The following ZNF280D variants were observed in gnomAD, a reference collection of about 807,000 sequenced individuals.
ZNF280D encodes suppressor of hairy wing homolog 4.
ZNF280D carries 39 observed loss-of-function variants against 94.7 expected under a neutral mutation model. The ratio of observed to expected loss-of-function variants is 0.41; its 90% confidence interval spans 0.32 to 0.54. The LOEUF is 0.54. ZNF280D is among the 20% of genes least tolerant of loss of function. The pLI is 0.22. For missense variants in ZNF280D, 1,090 were observed against 1,149.3 expected (o/e 0.95, Z 0.75); for synonymous variants, 398 against 377.6 (o/e 1.05, Z -0.63).
intron 1 of ZNF280D, among the ~76,000 whole-genome samples, chr15:56,711,220 A>G (rs941632641): frequency 5.3e-5 from 8 of 152,216 alleles, no homozygotes; most frequent in Admixed American, 1.3e-4. Context: ...TTTACCATTT[A>G]CATATACATA....
At chr15:56,667,211 AAC>A (rs1350666209) in intron 14 of ZNF280D, among the ~76,000 whole-genome samples, 8 of 152,308 alleles carry the variant, frequency 5.3e-5, no homozygotes, top group African/African-American at 1.9e-4. Flanking sequence ...GTTATATGTT[AAC>A]ACAGTTATCA....
intron 10 of ZNF280D, among the ~76,000 whole-genome samples, chr15:56,680,675 C>A: frequency 7.3e-6 from 1 of 136,798 alleles, no homozygotes; most frequent in Admixed American, 6.8e-5. Context: ...TGAGGTTTCA[C>A]TGTGTTCTCC....
chr15:56,649,125 A>T (rs2128172), intron 19 of ZNF280D, among the ~76,000 whole-genome samples: 23,548 of 152,100 alleles, frequency 0.15, 1,917 homozygotes, highest in Admixed American at 0.2. Context: ...AAGACCATCA[A>T]TGTAGGCAGA....
chr15:56,733,295 C>T (rs776797802), intron 1 of ZNF280D, among the ~76,000 whole-genome samples, 163 bp downstream of exon 1: 9 of 152,020 alleles, frequency 5.9e-5, no homozygotes, highest in Admixed American at 5.9e-4. Context: ...GTCCGGCCGC[C>T]GCCGCGCAGC....
At chr15:56,689,225 T>C in intron 8 of ZNF280D, 75 bp from the exon 9 acceptor site, 1 of 1,550,294 alleles carries the variant, frequency 6.5e-7, no homozygotes, top group Non-Finnish European at 8.7e-7. Flanking sequence ...ATAATACTTT[T>C]AAAATTTATA....
At chr15:56,665,703 C>CAAAAAA (rs71113013) in intron 16 of ZNF280D, among the ~76,000 whole-genome samples, 2,609 of 86,284 alleles carry the variant, frequency 0.03, 275 homozygotes, top group Admixed American at 0.13. Context: ...GACTCCGTCT[C>CAAAAAA]AAAAAAAAAA....
At chr15:56,684,257 A>G (rs748614124) in intron 9 of ZNF280D, among the ~76,000 whole-genome samples, 10 of 152,220 alleles carry the variant, frequency 6.6e-5, no homozygotes, top group Non-Finnish European at 1.5e-4. Flanking sequence ...AGCTGGCCCA[A>G]GAAAATCCAA....
chr15:56,705,751 C>T (rs1260163622), intron 3 of ZNF280D, among the ~76,000 whole-genome samples: 24 of 152,012 alleles, frequency 1.6e-4, no homozygotes, highest in Admixed American at 1.1e-3. Context: ...TTAACATATA[C>T]GATCTCAAAC....
intron 4 of ZNF280D, 83 bp downstream of exon 4, chr15:56,704,038 A>G (rs2057250859): frequency 6.9e-7 from 1 of 1,453,182 alleles, no homozygotes; most frequent in South Asian, 1.2e-5. Context: ...CATGAACATC[A>G]ACTACCTATT....
chr15:56,654,045 A>G, intron 19 of ZNF280D, 153 bp downstream of exon 19: 1 of 1,495,944 alleles, frequency 6.7e-7, no homozygotes, highest in Non-Finnish European at 8.9e-7. Context: ...AGCTCCATAG[A>G]GCAGGAACCT....
intron 9 of ZNF280D, among the ~76,000 whole-genome samples, chr15:56,684,145 C>T (rs890586041): frequency 1.4e-4 from 21 of 152,144 alleles, no homozygotes; most frequent in African/African-American, 4.8e-4. Flanking sequence ...GTCACAATTG[C>T]AGGAAGCCTT....
intron 13 of ZNF280D, among the ~76,000 whole-genome samples, chr15:56,669,914 T>A (rs868368614): frequency 0.096 from 256 of 2,658 alleles, 46 homozygotes; most frequent in Admixed American, 0.14. Context: ...TATATATATA[T>A]TATATATATA....
chr15:56,634,322 T>C (rs2052242936), intron 21 of ZNF280D, among the ~76,000 whole-genome samples: 2 of 152,160 alleles, frequency 1.3e-5, no homozygotes. Flanking sequence ...TGTATAATTC[T>C]TAGTTTTGTT....
intron 9 of ZNF280D, 21 bp from the exon 10 acceptor site, chr15:56,682,498 A>AC: frequency 6.9e-7 from 1 of 1,451,124 alleles, no homozygotes. Context: ...AAAAAAAAAA[A>AC]AAAAAACAAG....
At position 56,631,736 on chromosome 15, in the gene ZNF280D, T is replaced by C. The variant is rs768505851; in HGVS notation, c.2702A>G (p.His901Arg). 1.1e-5 allele frequency: 18 copies of C among 1,614,066 alleles called. No homozygotes were observed. Among genetic ancestry groups the C allele is most frequent in the Non-Finnish European group, 1.5e-5 (18 of 1,180,024 alleles). Residue 901 changes from histidine to arginine, a missense_variant, in exon 22 of 22, where the codon CAT becomes CGT. His to Arg is a conservative substitution (Grantham distance 29). Around this residue, in one of 3 missense-constraint regions of ZNF280D, gnomAD observed 577 missense variants for 568.8 expected, o/e 1.01. Transcript: ENST00000267807. Reference protein sequence around the residue: ...VSIDQFLRKRHEPESVSSDVS... With the variant: ...VSIDQFLRKRREPESVSSDVS... The stretch of plus-strand genomic sequence containing the variant: ...ATCAGAACTAACAGATTCAGGTTCA[T>C]GTCTTTTTCTCAAAAACTGATCAAT...
chr15:56,692,800 AGAAG>A, intron 7 of ZNF280D, among the ~76,000 whole-genome samples: 1 of 152,144 alleles, frequency 6.6e-6, no homozygotes, highest in Non-Finnish European at 1.5e-5. Flanking sequence ...AGGCTACCTG[AGAAG>A]TTCTCTAACT....
intron 7 of ZNF280D, among the ~76,000 whole-genome samples, chr15:56,692,220 G>A (rs567035554): frequency 6.6e-6 from 1 of 151,854 alleles, no homozygotes; most frequent in Non-Finnish European, 1.5e-5. Flanking sequence ...ATACGTAAGT[G>A]ACACCCAGAG....
At chr15:56,669,964 ATATATATATAATATATATATT>A in intron 13 of ZNF280D, among the ~76,000 whole-genome samples, 2 of 1,690 alleles carry the variant, frequency 1.2e-3, no homozygotes, top group Non-Finnish European at 1.9e-3. Flanking sequence ...TATATATATT[ATATATATATAATATATATATT>A]ATATATATAT....
chr15:56,699,608 T>G, intron 6 of ZNF280D: 1 of 867,848 alleles, frequency 1.2e-6, no homozygotes. Context: ...TTGATTTGTT[T>G]TCTTTTCTGG....
Sources: allele counts gnomAD v4.1 joint callset (sites outside exome capture counted in the v4.1 genomes callset), GRCh38; gene constraint gnomAD v4.1.1; regional missense constraint gnomAD v4.1.1; transcripts MANE v1.5; gene names NCBI Gene and HGNC (gene_info 2026-07-23, HGNC 2026-07-21).